Variants in TINAGL1 observed in about 807,000 individuals in gnomAD.
TINAGL1 encodes the protein tubulointerstitial nephritis antigen like 1.
Under a neutral mutation model 62.0 loss-of-function variants are expected in TINAGL1, and 34 were observed. The observed-to-expected ratio is 0.55, with a 90% CI of 0.42 to 0.73. TINAGL1 has a LOEUF of 0.73. TINAGL1 is among the 30% of genes least tolerant of loss of function. The pLI is 0.00. For synonymous variants in TINAGL1, 221 were observed against 249.7 expected, an observed-to-expected ratio of 0.88 and a Z score of 1.08; for missense variants, 516 against 653.2, an observed-to-expected ratio of 0.79 and a Z score of 2.29.
At position 31,577,033 on chromosome 1, in the gene TINAGL1, C is replaced by A; in HGVS notation, c.-15-101C>A. 9.0e-7 allele frequency: 1 copy of A among 1,105,750 alleles called. No homozygotes were observed. Among genetic ancestry groups the A allele is most frequent in the Non-Finnish European group, 1.2e-6 (1 of 805,092 alleles). The allele number at this position is 1,105,750 out of a possible 1,614,324, so 68.5% of individuals were successfully genotyped here. On this transcript the variant is annotated intron_variant, in intron 1 of 11. Coordinates refer to ENST00000271064, the MANE Select transcript of TINAGL1 (RefSeq NM_022164.3). This position sits in a 1 kb window ranked among gnomAD's most constrained non-coding sequence, Gnocchi z 5.4. ...CTGGGGACTCAGGAATCGGGATCTC[C>A]CTCCCTGCTGGGCCCTCTTGAACTC...
chr1:31,584,909 A>G lies in TINAGL1; in HGVS notation c.730A>G (p.Ile244Val), dbSNP rs768802556. 4 of 1,609,756 alleles carry G rather than the reference A, an allele frequency of 2.5e-6. No homozygotes were observed. In the Admixed American group the frequency reaches 6.7e-5, roughly 27 times the overall value. The change falls in exon 7 of 12, where the codon ATC becomes GTC. Residue 244 changes from isoleucine to valine, a missense_variant. Transcript: ENST00000271064. The surrounding 1 kb of genome is among the most constrained non-coding windows in gnomAD (Gnocchi z 4.0). ...TAAVASDRVSIHSLGHMTPVL... is the reference protein window; with the variant it reads ...TAAVASDRVSVHSLGHMTPVL... ...AGCTGTGGCATCCGATCGTGTCTCA[A>G]TCCATTCTCTGGGACACATGACGCC...
At chr1:31,586,227 C>T (rs1168672845) in intron 10 of TINAGL1, 4 of 301,548 alleles carry the variant, frequency 1.3e-5, no homozygotes, top group African/African-American at 2.2e-5. Flanking sequence ...CTCAGTTTCC[C>T]TATCCGATTT....
chr1:31,577,128 C>A lies in TINAGL1; in HGVS notation c.-15-6C>A. 1 of 1,474,968 alleles carries A rather than the reference C, an allele frequency of 6.8e-7. No homozygotes were observed. The highest frequency in any genetic ancestry group is 1.4e-5 in the South Asian group (1 of 72,168). The allele number at this position is 1,474,968 out of a possible 1,614,324, so 91.4% of individuals were successfully genotyped here. A position where few individuals can be genotyped will look rare whatever the true frequency, so the allele number is the denominator to read the frequency against. ...GTCTCTGCTGCCCACCATCTCTGCC[C>A]CCCAGGGCCCAGGAGCCACCATGTG... On this transcript the variant is annotated splice_polypyrimidine_tract_variant and splice_region_variant and intron_variant, in intron 1 of 11. Coordinates refer to ENST00000271064, the MANE Select transcript of TINAGL1 (RefSeq NM_022164.3). This position sits in a 1 kb window ranked among gnomAD's most constrained non-coding sequence, Gnocchi z 5.4.
Position 31,584,615 on chromosome 1 carries a change from TG to T in TINAGL1, c.583-60del. The T allele has an allele frequency of 1.2e-6, 2 of 1,608,694 alleles. No homozygotes were observed. The highest frequency in any genetic ancestry group is 1.7e-6 in the Non-Finnish European group (2 of 1,177,400). The stretch of plus-strand genomic sequence containing the variant: ...GGACTTGGTGGCCCTCCAGTGCCAA[TG>T]GGCACCTGAGGGGCAGGCCAGGGCA... On this transcript the variant is annotated intron_variant, in intron 5 of 11. Transcript: ENST00000271064. The surrounding 1 kb of genome is among the most constrained non-coding windows in gnomAD (Gnocchi z 4.0).
chr1:31,577,076 G>A lies in TINAGL1; in HGVS notation c.-15-58G>A, dbSNP rs1342509801. On this transcript the variant is annotated intron_variant, in intron 1 of 11. Coordinates refer to ENST00000271064, the MANE Select transcript of TINAGL1 (RefSeq NM_022164.3). The surrounding 1 kb of genome is among the most constrained non-coding windows in gnomAD (Gnocchi z 5.4). ...TTGAACTCACAGCTCCAGGAAACTGGGAGACTCATCCCTGGTGTTCCAGGG... is the reference window on the plus strand; with the variant it reads ...TTGAACTCACAGCTCCAGGAAACTGAGAGACTCATCCCTGGTGTTCCAGGG... 7.3e-7 allele frequency: 1 copy of A among 1,373,590 alleles called. No individual in the cohort carries two copies. Among genetic ancestry groups the A allele is most frequent in the Non-Finnish European group, 9.6e-7 (1 of 1,044,878 alleles). 85.1% of individuals were successfully genotyped at this position (1,373,590 alleles called of 1,614,324 possible). A position where few individuals can be genotyped will look rare whatever the true frequency, so the allele number is the denominator to read the frequency against.
chr1:31,585,588 T>A lies in TINAGL1; in HGVS notation c.1093+103T>A. 6.4e-7 allele frequency: 1 copy of A among 1,559,056 alleles called. No individual in the cohort carries two copies. Among genetic ancestry groups the A allele is most frequent in the South Asian group, 1.2e-5 (1 of 83,272 alleles). On this transcript the variant is annotated intron_variant, in intron 9 of 11. Coordinates refer to ENST00000271064, the MANE Select transcript of TINAGL1 (RefSeq NM_022164.3). This position sits in a 1 kb window ranked among gnomAD's most constrained non-coding sequence, Gnocchi z 4.3. Reference sequence around the variant, plus strand: ...GCACAGCATTCAGCAGCATGTCCAGTAGGGCCAGGAGTAGGGGTCCCCCCC... The same window carrying A: ...GCACAGCATTCAGCAGCATGTCCAGAAGGGCCAGGAGTAGGGGTCCCCCCC...
In TINAGL1 at chr1:31,583,918, C is replaced by A. The variant is rs1049041755; in HGVS notation, c.582+343C>A. ...TTTTGGGAAGGGAAGGACACACACT[C>A]CTCCAGTTCTGGCCAGAGGGCAGCA... On this transcript the variant is annotated intron_variant, in intron 5 of 11. Coordinates refer to ENST00000271064, the MANE Select transcript of TINAGL1 (RefSeq NM_022164.3). The surrounding 1 kb of genome is among the most constrained non-coding windows in gnomAD (Gnocchi z 4.4). 1.6e-5 allele frequency: 4 copies of A among 248,034 alleles called. No individual in the cohort carries two copies. The highest frequency in any genetic ancestry group is 3.1e-5 in the Non-Finnish European group (4 of 127,032). The allele number at this position is 248,034 out of a possible 1,614,324, so 15.4% of individuals were successfully genotyped here.
rs1639314457 is a variant in TINAGL1 at position 31,583,892 on chromosome 1, A to G, written c.582+317A>G. 2 of 292,632 alleles carry G rather than the reference A, an allele frequency of 6.8e-6. No homozygotes were observed. The highest frequency in any genetic ancestry group is 9.0e-5 in the Admixed American group (2 of 22,220). 18.1% of individuals were successfully genotyped at this position (292,632 alleles called of 1,614,324 possible). A position where few individuals can be genotyped will look rare whatever the true frequency, so the allele number is the denominator to read the frequency against. ...CAAGGGGACAGGGGGTCACCTTGGT[A>G]TTTTGGGAAGGGAAGGACACACACT... On this transcript the variant is annotated intron_variant, in intron 5 of 11. Transcript: ENST00000271064. This position sits in a 1 kb window ranked among gnomAD's most constrained non-coding sequence, Gnocchi z 4.4.
At chr1:31,586,813 T>G (rs1246861683) in intron 11 of TINAGL1, 26 bp from the exon 12 acceptor site, 1 of 1,484,900 alleles carries the variant, frequency 6.7e-7, no homozygotes, top group African/African-American at 1.4e-5. Flanking sequence ...CCCATTCCCC[T>G]TCTCACCACC....
At chr1:31,578,900 T>TGTGTG (rs1639111106) in intron 2 of TINAGL1, among the ~76,000 whole-genome samples, 1 of 9,880 alleles carries the variant, frequency 1.0e-4, no homozygotes, top group African/African-American at 3.2e-4. Flanking sequence ...GTGTGTGTGA[T>TGTGTG]ATCTTCAGTT....
chr1:31,582,276 C>A (rs997207579), intron 3 of TINAGL1, among the ~76,000 whole-genome samples: 1 of 150,456 alleles, frequency 6.6e-6, no homozygotes, highest in Non-Finnish European at 1.5e-5. Context: ...TGCAGTGAGC[C>A]GAGATCACAC....
chr1:31,586,808 T>A, intron 11 of TINAGL1, 31 bp from the exon 12 acceptor site: 1 of 1,545,646 alleles, frequency 6.5e-7, no homozygotes, highest in Non-Finnish European at 8.7e-7. Context: ...CCACTCCCAT[T>A]CCCCTTCTCA....
intron 3 of TINAGL1, chr1:31,580,756 A>G: frequency 8.1e-7 from 1 of 1,228,658 alleles, no homozygotes; most frequent in Non-Finnish European, 1.0e-6. Context: ...AAAGCATTAT[A>G]GAATTCATAG....
Position 31,585,573 on chromosome 1 carries a change from C to A in TINAGL1, c.1093+88C>A. 6.3e-7 allele frequency: 1 copy of A among 1,577,554 alleles called. No homozygotes were observed. On this transcript the variant is annotated intron_variant, in intron 9 of 11. Coordinates refer to ENST00000271064, the MANE Select transcript of TINAGL1 (RefSeq NM_022164.3). This position sits in a 1 kb window ranked among gnomAD's most constrained non-coding sequence, Gnocchi z 4.3. Reference sequence around the variant, plus strand: ...TAGCACAAGTGGCCTGCACAGCATTCAGCAGCATGTCCAGTAGGGCCAGGA... The same window carrying A: ...TAGCACAAGTGGCCTGCACAGCATTAAGCAGCATGTCCAGTAGGGCCAGGA...
chr1:31,577,090 G>T lies in TINAGL1; in HGVS notation c.-15-44G>T. The T allele has an allele frequency of 7.1e-7, 1 of 1,409,418 alleles. No homozygotes were observed. The highest frequency in any genetic ancestry group is 9.3e-7 in the Non-Finnish European group (1 of 1,075,168). 87.3% of individuals were successfully genotyped at this position (1,409,418 alleles called of 1,614,324 possible). A position where few individuals can be genotyped will look rare whatever the true frequency, so the allele number is the denominator to read the frequency against. On this transcript the variant is annotated intron_variant, in intron 1 of 11. Transcript: ENST00000271064. The surrounding 1 kb of genome is among the most constrained non-coding windows in gnomAD (Gnocchi z 5.4). ...CCAGGAAACTGGGAGACTCATCCCT[G>T]GTGTTCCAGGGAGTCTCTGCTGCCC...
intron 3 of TINAGL1, chr1:31,580,162 GCTCTCTCTCTCTCTCTCTCT>G (rs761677862): frequency 1.6e-4 from 75 of 474,194 alleles, no homozygotes; most frequent in East Asian, 1.1e-3. Flanking sequence ...GGGTTAATGC[GCTCTCTCTCTCTCTCTCTCT>G]CTCTCTCTCT....
At chr1:31,580,814 C>G (rs1639225121) in intron 3 of TINAGL1, 1 of 1,192,074 alleles carries the variant, frequency 8.4e-7, no homozygotes, top group Non-Finnish European at 1.1e-6. Context: ...TACTGCGTGA[C>G]AGGCACTATG....
chr1:31,583,077 C>T lies in TINAGL1; in HGVS notation c.375-72C>T, dbSNP rs890472170. ...CACAGACTCCCTGGCCCATGTTAAC[C>T]TCCGAGGCCACATTCCTTCAAAGTA... On this transcript the variant is annotated intron_variant, in intron 3 of 11. Coordinates refer to ENST00000271064, the MANE Select transcript of TINAGL1 (RefSeq NM_022164.3). This position sits in a 1 kb window ranked among gnomAD's most constrained non-coding sequence, Gnocchi z 4.4. The T allele has an allele frequency of 3.8e-5, 53 of 1,399,436 alleles. 1 individual carries two copies. The highest frequency in any genetic ancestry group is 9.1e-5 in the East Asian group (4 of 43,880). 86.7% of individuals were successfully genotyped at this position (1,399,436 alleles called of 1,614,324 possible). A position where few individuals can be genotyped will look rare whatever the true frequency, so the allele number is the denominator to read the frequency against.
Position 31,583,649 on chromosome 1 carries a change from T to TTGGAGGAGCAGGGCACAG in TINAGL1, c.582+74_582+75insTGGAGGAGCAGGGCACAG. 1 of 1,360,266 alleles carries TTGGAGGAGCAGGGCACAG rather than the reference T, an allele frequency of 7.4e-7. No individual in the cohort carries two copies. The highest frequency in any genetic ancestry group is 1.0e-6 in the Non-Finnish European group (1 of 982,132). The allele number at this position is 1,360,266 out of a possible 1,614,324, so 84.3% of individuals were successfully genotyped here. On this transcript the variant is annotated intron_variant, in intron 5 of 11. Transcript: ENST00000271064. This position sits in a 1 kb window ranked among gnomAD's most constrained non-coding sequence, Gnocchi z 4.4. ...CCTCAGGGATGCTGGCCCTGTGCCC[T>TTGGAGGAGCAGGGCACAG]GCTCCTCCAAGGGCCTGGACCATCC...
Sources: allele counts gnomAD v4.1 joint callset (sites outside exome capture counted in the v4.1 genomes callset), GRCh38; gene constraint gnomAD v4.1.1; non-coding constraint Gnocchi (gnomAD v3.1); transcripts MANE v1.5; gene names NCBI Gene and HGNC (gene_info 2026-07-23, HGNC 2026-07-21).